COL4A5: variants seen among roughly 807,000 people sequenced by gnomAD.
COL4A5 encodes collagen alpha-5(IV) chain.
In COL4A5, 26 loss-of-function variants were observed where a neutral mutation model predicts 130.2. The observed-to-expected ratio is 0.20, with a 90% CI of 0.15 to 0.28. COL4A5 has a LOEUF of 0.28. COL4A5 is among the 10% of genes least tolerant of loss of function. The pLI, the probability that COL4A5 is intolerant of heterozygous loss-of-function variation, is 1.00. For synonymous variants in COL4A5, 496 were observed against 439.6 expected (o/e 1.13, Z -1.60); for missense variants, 1,131 against 1,344.3 (o/e 0.84, Z 2.48).
chrX:108,559,281 A>G, intron 3 of COL4A5, 128 bp downstream of exon 3: 1 of 549,878 alleles, frequency 1.8e-6, no homozygotes, highest in South Asian at 2.4e-5. Context: ...GAAACAATGG[A>G]ATGACGGGGA....
At chrX:108,594,489 C>T (rs1403876303) in intron 21 of COL4A5, among the ~76,000 whole-genome samples, 7 of 111,227 alleles carry the variant, frequency 6.3e-5, no homozygotes, top group Non-Finnish European at 1.3e-4. Flanking sequence ...AAATTTTCTA[C>T]TAGATTCTCA....
chrX:108,572,425 C>T, intron 8 of COL4A5, among the ~76,000 whole-genome samples: 1 of 111,696 alleles, frequency 9.0e-6, no homozygotes, highest in South Asian at 3.8e-4. Context: ...TAAACCCGCT[C>T]CTCCCTGTGG....
At chrX:108,582,667 A>G in intron 16 of COL4A5, 1 of 403,406 alleles carries the variant, frequency 2.5e-6, no homozygotes, top group Non-Finnish European at 4.3e-6. Flanking sequence ...AAAATGCCAC[A>G]AAGCTCTGAG....
chrX:108,571,283 T>C (rs55646846), intron 6 of COL4A5, 130 bp from the exon 7 acceptor site: 3 of 497,712 alleles, frequency 6.0e-6, no homozygotes, highest in Non-Finnish European at 1.1e-5. Context: ...TGAAGGCTAA[T>C]GAACTTTTTG....
At chrX:108,633,389 A>G (rs1437755317) in intron 36 of COL4A5, among the ~76,000 whole-genome samples, 1 of 111,416 alleles carries the variant, frequency 9.0e-6, no homozygotes, top group African/African-American at 3.3e-5. Flanking sequence ...GTATTTCTGT[A>G]TGTTGTATGA....
intron 36 of COL4A5, among the ~76,000 whole-genome samples, chrX:108,644,919 C>CAAAA (rs778790757): frequency 1.3e-4 from 6 of 47,473 alleles, no homozygotes; most frequent in Non-Finnish European, 2.6e-4. Context: ...ACAACAACAA[C>CAAAA]AAAAAAAAAA....
At position 108,620,445 on chromosome X, in the gene COL4A5, T is replaced by C. The variant is rs372029787; in HGVS notation, c.2677+19T>C. ...TTTCCAGGTAATTTGTTTAAAGTTTTCTCTGATTTGGATTAAGGAAATTAA... is the reference window on the plus strand; with the variant it reads ...TTTCCAGGTAATTTGTTTAAAGTTTCCTCTGATTTGGATTAAGGAAATTAA... On this transcript the variant is annotated intron_variant, in intron 31 of 52. Transcript: ENST00000328300. 1.8e-5 allele frequency: 21 copies of C among 1,178,454 alleles called. No homozygotes were observed. The highest frequency in any genetic ancestry group is 3.5e-5 in the African/African-American group (2 of 56,975).
chrX:108,681,186 T>C lies in COL4A5; in HGVS notation c.4087+230T>C, dbSNP rs1008602831. ...AAGATAAATGCAGGATCAACAAAAATGCTTCCTTGACATTAGCTTCTATAC... is the reference window on the plus strand; with the variant it reads ...AAGATAAATGCAGGATCAACAAAAACGCTTCCTTGACATTAGCTTCTATAC... On this transcript the variant is annotated intron_variant, in intron 46 of 52. Coordinates refer to ENST00000328300, the MANE Select transcript of COL4A5 (RefSeq NM_033380.3). 3.6e-5 allele frequency among the ~76,000 whole-genome samples: 4 copies of C among 111,372 alleles called. No homozygotes were observed. In the Admixed American group the frequency reaches 3.9e-4, roughly 11 times the overall value.
intron 1 of COL4A5, among the ~76,000 whole-genome samples, chrX:108,516,285 A>G (rs1356899549): frequency 8.9e-6 from 1 of 112,255 alleles, no homozygotes; most frequent in Non-Finnish European, 1.9e-5. Context: ...CTTCGAACAC[A>G]GGTTTTGACT....
At chrX:108,617,292 T>C in intron 30 of COL4A5, among the ~76,000 whole-genome samples, 1 of 111,983 alleles carries the variant, frequency 8.9e-6, no homozygotes, top group Middle Eastern at 4.9e-3. Flanking sequence ...CCTACTTATG[T>C]TGCATGGCTG....
intron 37 of COL4A5, among the ~76,000 whole-genome samples, chrX:108,659,427 A>G (rs976368534): frequency 2.7e-5 from 3 of 111,048 alleles, no homozygotes; most frequent in African/African-American, 6.5e-5. Flanking sequence ...TAGAGTTGTT[A>G]AAATCTTGTG....
chrX:108,516,841 T>C (rs1408169510), intron 1 of COL4A5, among the ~76,000 whole-genome samples: 1 of 111,518 alleles, frequency 9.0e-6, no homozygotes, highest in Non-Finnish European at 1.9e-5. Context: ...GTGAAATTAG[T>C]TAGTAATGGA....
rs185060542 is a variant in COL4A5 at position 108,533,438 on chromosome X, T to A, written c.82-6308T>A. On this transcript the variant is annotated intron_variant, in intron 1 of 52. Transcript: ENST00000328300. Reference sequence around the variant, plus strand: ...ACAGGAAAAGAAACTATCAACAGAGTAAACAGACAACCTACAGAATGGGAG... The same window carrying A: ...ACAGGAAAAGAAACTATCAACAGAGAAAACAGACAACCTACAGAATGGGAG... Among the ~76,000 whole-genome samples the A allele has an allele frequency of 5.8e-4, 65 of 111,338 alleles. 1 individual carries two copies. Among genetic ancestry groups the A allele is most frequent in the African/African-American group, 2.1e-3 (65 of 30,746 alleles).
intron 2 of COL4A5, among the ~76,000 whole-genome samples, chrX:108,545,617 A>C (rs1204829379): frequency 1.8e-5 from 2 of 111,662 alleles, no homozygotes; most frequent in African/African-American, 3.3e-5. Context: ...GTAGATGTCT[A>C]TTAGGTCTGC....
chrX:108,650,271 TAGG>T (rs1246008760), intron 36 of COL4A5, among the ~76,000 whole-genome samples: 2 of 110,225 alleles, frequency 1.8e-5, no homozygotes, highest in Admixed American at 1.9e-4. Context: ...GATCAAAAAA[TAGG>T]AGATCTTGGT....
At position 108,480,328 on chromosome X, in the gene COL4A5, G is replaced by C. The variant is rs185032265; in HGVS notation, c.81+40122G>C. Among the ~76,000 whole-genome samples, 11 of 112,488 alleles carry C rather than the reference G, an allele frequency of 9.8e-5. No individual in the cohort carries two copies. In the East Asian group the frequency reaches 3.1e-3, roughly 32 times the overall value. On this transcript the variant is annotated intron_variant, in intron 1 of 52. Transcript: ENST00000328300. ...CTGGACCCCTAGAAATTTTACTGAG[G>C]TAGAAGTTCCTGGAATTTTAGTCGG...
chrX:108,504,449 C>A lies in COL4A5; in HGVS notation c.82-35297C>A, dbSNP rs779870694. ...AATAATCAACAGAGTGAACAGACAACCTACAGAATGGGAGAAAATATTTGT... is the reference window on the plus strand; with the variant it reads ...AATAATCAACAGAGTGAACAGACAAACTACAGAATGGGAGAAAATATTTGT... On this transcript the variant is annotated intron_variant, in intron 1 of 52. Coordinates refer to ENST00000328300, the MANE Select transcript of COL4A5 (RefSeq NM_033380.3). Among the ~76,000 whole-genome samples, 3 of 111,815 alleles carry A rather than the reference C, an allele frequency of 2.7e-5. No individual in the cohort carries two copies. In the East Asian group the frequency reaches 8.4e-4, roughly 31 times the overall value.
intron 1 of COL4A5, among the ~76,000 whole-genome samples, chrX:108,445,966 G>A (rs2064447812): frequency 1.8e-5 from 2 of 110,963 alleles, no homozygotes; most frequent in South Asian, 7.5e-4. Flanking sequence ...AAATAAATTT[G>A]GCATAGAACA....
At chrX:108,602,841 C>T in intron 27 of COL4A5, 123 bp from the exon 28 acceptor site, 1 of 522,890 alleles carries the variant, frequency 1.9e-6, no homozygotes, top group African/African-American at 2.3e-5. Flanking sequence ...AGTAGAATGT[C>T]ATTGTGCTTT....
Sources: allele counts gnomAD v4.1 joint callset (sites outside exome capture counted in the v4.1 genomes callset), GRCh38; gene constraint gnomAD v4.1.1; transcripts MANE v1.5; gene names NCBI Gene and HGNC (gene_info 2026-07-23, HGNC 2026-07-21).